OLAH: variants seen among roughly 807,000 people sequenced by gnomAD.
OLAH encodes oleoyl-ACP hydrolase.
Under a neutral mutation model 27.8 loss-of-function variants are expected in OLAH, and 33 were observed. That is an observed-to-expected ratio of 1.19 (90% CI 0.90 to 1.59). The LOEUF is 1.59. Ranked by LOEUF, OLAH falls within the 40% of genes most tolerant of loss-of-function variation. The pLI, the probability that OLAH is intolerant of heterozygous loss-of-function variation, is 0.00. For synonymous variants in OLAH, 120 were observed against 102.9 expected, an observed-to-expected ratio of 1.17 and a Z score of -1.01; for missense variants, 359 against 310.8, an observed-to-expected ratio of 1.16 and a Z score of -1.17.
intron 6 of OLAH, 150 bp downstream of exon 6, chr10:15,065,903 C>G: frequency 4.5e-6 from 3 of 667,756 alleles, no homozygotes; most frequent in Non-Finnish European, 7.5e-6. Flanking sequence ...GGTATGTATA[C>G]TGGTTTAGAA....
At chr10:15,047,427 GC>G in intron 2 of OLAH, 107 bp downstream of exon 2, 1 of 1,104,588 alleles carries the variant, frequency 9.1e-7, no homozygotes, top group African/African-American at 1.6e-5. Flanking sequence ...TCAGCCAGGT[GC>G]TCACACTTGT....
intron 6 of OLAH, among the ~76,000 whole-genome samples, chr10:15,066,239 T>G (rs1313291744): frequency 9.6e-6 from 1 of 104,546 alleles, no homozygotes; most frequent in Non-Finnish European, 1.8e-5. Context: ...AGACTCCATC[T>G]CAAAAAAAAA....
At chr10:15,050,421 C>A (rs1450221296) in intron 3 of OLAH, among the ~76,000 whole-genome samples, 1 of 152,140 alleles carries the variant, frequency 6.6e-6, no homozygotes, top group South Asian at 2.1e-4. Flanking sequence ...GCATGTGCCA[C>A]CATGCCCAGC....
chr10:15,073,429 G>C lies in OLAH; in HGVS notation c.*200G>C, dbSNP rs1844632687. 1 of 464,296 alleles carries C rather than the reference G, an allele frequency of 2.2e-6. No individual in the cohort carries two copies. The highest frequency in any genetic ancestry group is 2.6e-5 in the South Asian group (1 of 39,034). The allele number at this position is 464,296 out of a possible 1,614,324, so 28.8% of individuals were successfully genotyped here. ...TTCTGGCAGCACTTTGGGAGGCCAAGGCGGGCGGATCACGAGGTCAGGAGA... is the reference window on the plus strand; with the variant it reads ...TTCTGGCAGCACTTTGGGAGGCCAACGCGGGCGGATCACGAGGTCAGGAGA... On this transcript the variant is annotated 3_prime_UTR_variant, in exon 8 of 8. Coordinates refer to ENST00000378228, the MANE Select transcript of OLAH (RefSeq NM_001039702.3).
intron 6 of OLAH, among the ~76,000 whole-genome samples, chr10:15,069,797 C>G (rs1844545296): frequency 6.6e-6 from 1 of 152,128 alleles, no homozygotes; most frequent in Non-Finnish European, 1.5e-5. Context: ...ACCCAGGAGA[C>G]AGAGGTTGCA....
chr10:15,051,579 T>TATCCTTAG (rs1366735798), intron 3 of OLAH, among the ~76,000 whole-genome samples: 1 of 152,230 alleles, frequency 6.6e-6, no homozygotes, highest in African/African-American at 2.4e-5. Flanking sequence ...CTTCTGACAG[T>TATCCTTAG]ATCCTTAGAG....
rs752802967 is a variant in OLAH at position 15,056,844 on chromosome 10, G to T, written c.164-4880G>T. ...TGTAGAGACAGCATCTCACCATGTT[G>T]CCAAGGCTGGTCTCAAACTCCGGCG... On this transcript the variant is annotated intron_variant, in intron 3 of 7. Transcript: ENST00000378228. 2.7e-5 allele frequency: 41 copies of T among 1,511,100 alleles called. 1 individual carries two copies. In the South Asian group the frequency reaches 4.4e-4, roughly 16 times the overall value. The allele number at this position is 1,511,100 out of a possible 1,614,324, so 93.6% of individuals were successfully genotyped here. A position where few individuals can be genotyped will look rare whatever the true frequency, so the allele number is the denominator to read the frequency against.
At chr10:15,058,100 A>T (rs1844281751) in intron 3 of OLAH, among the ~76,000 whole-genome samples, 1 of 152,202 alleles carries the variant, frequency 6.6e-6, no homozygotes, top group Non-Finnish European at 1.5e-5. Context: ...GGGAAAATTG[A>T]CATCATAACA....
intron 1 of OLAH, among the ~76,000 whole-genome samples, chr10:15,037,391 G>A (rs1241405109): frequency 6.6e-6 from 1 of 151,814 alleles, no homozygotes; most frequent in African/African-American, 2.4e-5. Flanking sequence ...GACCAGCCTG[G>A]CCAACATGGT....
chr10:15,050,627 C>T (rs375603264), intron 3 of OLAH, among the ~76,000 whole-genome samples: 1 of 150,268 alleles, frequency 6.7e-6, no homozygotes, highest in African/African-American at 2.5e-5. Context: ...CTCCAAGCTC[C>T]GCTTCCGGGT....
chr10:15,069,938 T>C (rs1473010064), intron 6 of OLAH, among the ~76,000 whole-genome samples: 5 of 152,090 alleles, frequency 3.3e-5, no homozygotes, highest in Non-Finnish European at 5.9e-5. Context: ...TCACTGTGTC[T>C]CCAACACTTT....
At chr10:15,038,722 GT>G (rs1843878288) in intron 1 of OLAH, 1 of 152,178 alleles carries the variant, frequency 6.6e-6, no homozygotes, top group Non-Finnish European at 1.5e-5. Context: ...AAATTACCCA[GT>G]CTCGGGTATG....
intron 1 of OLAH, among the ~76,000 whole-genome samples, chr10:15,034,040 A>T (rs1391595714): frequency 6.6e-6 from 1 of 151,946 alleles, no homozygotes; most frequent in East Asian, 1.9e-4. Context: ...GTGGAAAGGG[A>T]AACTACCAGG....
chr10:15,032,295 G>C (rs1346364802), exon 1 of OLAH: 5 of 152,070 alleles, frequency 3.3e-5, no homozygotes, highest in African/African-American at 9.7e-5. Context: ...ACTCTGACTG[G>C]CTTCCTTGCT....
chr10:15,049,633 A>G lies in OLAH; in HGVS notation c.33-2A>G. On this transcript the variant is annotated splice_acceptor_variant, in intron 2 of 7. Coordinates refer to ENST00000378228, the MANE Select transcript of OLAH (RefSeq NM_001039702.3). LOFTEE classifies it high-confidence loss of function. ...TTAAATATATTTGAATTTTCTCCCT[A>G]GGAATGAAAACATTTTCAACTGCTT... 1 of 1,573,066 alleles carries G rather than the reference A, an allele frequency of 6.4e-7. No homozygotes were observed. The highest frequency in any genetic ancestry group is 8.6e-7 in the Non-Finnish European group (1 of 1,159,920).
intron 1 of OLAH, among the ~76,000 whole-genome samples, chr10:15,037,034 G>C (rs1042990788): frequency 1.3e-5 from 2 of 151,950 alleles, no homozygotes; most frequent in African/African-American, 4.8e-5. Context: ...AGCCAAGATC[G>C]TGCCACAGCA....
chr10:15,056,886 G>C (rs1240251307), intron 3 of OLAH: 2 of 1,533,886 alleles, frequency 1.3e-6, no homozygotes. Flanking sequence ...TGATCCTCCT[G>C]CTTCAGCCTA....
intron 6 of OLAH, among the ~76,000 whole-genome samples, chr10:15,068,849 G>A (rs1315737561): frequency 1.3e-5 from 2 of 152,108 alleles, no homozygotes; most frequent in Non-Finnish European, 1.5e-5. Context: ...AGCTGGGTAG[G>A]GTTTTGTTGT....
intron 3 of OLAH, among the ~76,000 whole-genome samples, chr10:15,051,125 G>C (rs1844133323): frequency 6.9e-6 from 1 of 145,744 alleles, no homozygotes; most frequent in African/African-American, 2.6e-5. Context: ...TCCCAGGCTG[G>C]AGTGCGGTGG....
Sources: allele counts gnomAD v4.1 joint callset (sites outside exome capture counted in the v4.1 genomes callset), GRCh38; gene constraint gnomAD v4.1.1; transcripts MANE v1.5; gene names NCBI Gene and HGNC (gene_info 2026-07-23, HGNC 2026-07-21).